Variants in CXADR observed in about 807,000 individuals in gnomAD.
CXADR encodes CXADR cell adhesion molecule, also known as coxsackievirus and adenovirus receptor.
CXADR carries 20 observed loss-of-function variants against 40.3 expected under a neutral mutation model. The observed-to-expected ratio is 0.50, with a 90% CI of 0.35 to 0.72. CXADR has a LOEUF of 0.72. Among genes scored for constraint, CXADR ranks in the 30% least tolerant of loss-of-function variants. The pLI is 0.01. For missense variants in CXADR, 332 were observed against 449.1 expected (o/e 0.74, Z 2.36); for synonymous variants, 150 against 161.3 (o/e 0.93, Z 0.53).
At chr21:17,606,810 CAA>C in the CXADR span, among the ~76,000 whole-genome samples, 3 of 152,100 alleles carry the variant, frequency 2.0e-5, no homozygotes, top group African/African-American at 7.2e-5. Flanking sequence ...TTTGCAATTA[CAA>C]AGTGTAAGAG....
chr21:17,591,863 A>G (rs942521117), intron 7 of CXADR, among the ~76,000 whole-genome samples: 1 of 151,954 alleles, frequency 6.6e-6, no homozygotes, highest in African/African-American at 2.4e-5. Context: ...AGGGTTTGGC[A>G]AACTTTTGTA....
chr21:17,586,359 A>G (rs2061395964), intron 7 of CXADR, among the ~76,000 whole-genome samples: 1 of 147,656 alleles, frequency 6.8e-6, no homozygotes, highest in African/African-American at 2.5e-5. Flanking sequence ...GCTAAAGTTT[A>G]TATGTATATA....
chr21:17,586,305 T>C (rs1462354191), intron 7 of CXADR, among the ~76,000 whole-genome samples: 1 of 150,832 alleles, frequency 6.6e-6, no homozygotes, highest in African/African-American at 2.4e-5. Context: ...AAATTTAAAA[T>C]TTTTTCCCCA....
At chr21:17,636,186 G>A in the CXADR span, among the ~76,000 whole-genome samples, 845 of 152,208 alleles carry the variant, frequency 5.6e-3, 8 homozygotes, top group African/African-American at 0.019. Flanking sequence ...CAGCTTATTT[G>A]CAGATTCTTT....
rs1315380543 is a variant in CXADR, at chr21:17,521,736, G to C, written c.43+8564G>C. Among the ~76,000 whole-genome samples the C allele has an allele frequency of 2.0e-5, 3 of 152,216 alleles. No homozygotes were observed. The South Asian group carries it at 6.2e-4, about 32-fold the overall frequency. On this transcript the variant is annotated intron_variant, in intron 1 of 6. Coordinates refer to ENST00000284878, the MANE Select transcript of CXADR (RefSeq NM_001338.5). Reference sequence around the variant, plus strand: ...CTTTGCATGTGTGGCCTTAATTCCAGAGGACAGTAGCATATCCCAGGGGAG... The same window carrying C: ...CTTTGCATGTGTGGCCTTAATTCCACAGGACAGTAGCATATCCCAGGGGAG...
chr21:17,580,023 A>G (rs967413316), intron 7 of CXADR, among the ~76,000 whole-genome samples: 1 of 152,110 alleles, frequency 6.6e-6, no homozygotes, highest in African/African-American at 2.4e-5. Flanking sequence ...GGATCTTGCT[A>G]TGTTATCTAA....
the CXADR span, among the ~76,000 whole-genome samples, chr21:17,634,789 G>A: frequency 1.9e-4 from 29 of 152,108 alleles, 1 homozygote; most frequent in East Asian, 4.6e-3. Context: ...ATATTGCCCA[G>A]GCTATAGTGC....
chr21:17,547,255 C>A lies in CXADR; in HGVS notation c.210+62C>A, dbSNP rs1389759018. On this transcript the variant is annotated intron_variant, in intron 2 of 6. Coordinates refer to ENST00000284878, the MANE Select transcript of CXADR (RefSeq NM_001338.5). The stretch of plus-strand genomic sequence containing the variant: ...CTGTGCAACTATCTGATGTGTCCAT[C>A]ACCTTGCCAGTCACATGGATGGGCT... 1.1e-5 allele frequency: 18 copies of A among 1,599,486 alleles called. No homozygotes were observed. In the Admixed American group the frequency reaches 1.7e-4, roughly 15 times the overall value.
At chr21:17,540,686 C>T (rs1167131797) in intron 1 of CXADR, among the ~76,000 whole-genome samples, 2 of 152,138 alleles carry the variant, frequency 1.3e-5, no homozygotes, top group Non-Finnish European at 2.9e-5. Flanking sequence ...GAGTAATATC[C>T]TTGTACATAT....
chr21:17,604,968 ACT>A, the CXADR span: 1 of 1,614,120 alleles, frequency 6.2e-7, no homozygotes, highest in South Asian at 1.1e-5. Context: ...ATCAGGATCA[ACT>A]CTCTGAAATT....
intron 1 of CXADR, chr21:17,543,129 A>C (rs537711602): frequency 3.4e-6 from 1 of 297,730 alleles, no homozygotes; most frequent in South Asian, 2.8e-5. Flanking sequence ...AAAATATCAT[A>C]AGCAGCATAC....
In CXADR at chr21:17,569,504, C is replaced by T; in HGVS notation, c.*3812C>T. 1 of 985,214 alleles carries T rather than the reference C, an allele frequency of 1.0e-6. No homozygotes were observed. Among genetic ancestry groups the T allele is most frequent in the Non-Finnish European group, 1.2e-6 (1 of 829,902 alleles). 61.0% of individuals were successfully genotyped at this position (985,214 alleles called of 1,614,324 possible). A position where few individuals can be genotyped will look rare whatever the true frequency, so the allele number is the denominator to read the frequency against. On this transcript the variant is annotated 3_prime_UTR_variant, in exon 7 of 7. Transcript: ENST00000284878. ...TCATGTTCTGCAATAGGATTTCTTA[C>T]TCATTTACCTATTTTAACACTAAAA... is the stretch of plus-strand genomic sequence containing the variant.
At chr21:17,537,808 A>C (rs773674462) in intron 1 of CXADR, among the ~76,000 whole-genome samples, 2 of 152,090 alleles carry the variant, frequency 1.3e-5, no homozygotes, top group Non-Finnish European at 2.9e-5. Context: ...GAGCTTTGCC[A>C]CCAAAGTCAA....
chr21:17,569,544 G>A lies in CXADR; in HGVS notation c.*3852G>A, dbSNP rs929733575. 1 of 985,122 alleles carries A rather than the reference G, an allele frequency of 1.0e-6. No individual in the cohort carries two copies. The highest frequency in any genetic ancestry group is 6.2e-5 in the Admixed American group (1 of 16,250). The allele number at this position is 985,122 out of a possible 1,614,324, so 61.0% of individuals were successfully genotyped here. On this transcript the variant is annotated 3_prime_UTR_variant, in exon 7 of 7. Coordinates refer to ENST00000284878, the MANE Select transcript of CXADR (RefSeq NM_001338.5). Reference sequence around the variant, plus strand: ...TAACACTAAAATAGACCACAACTGAGCACAAATTCCTTTTATAAATGTTAT... The same window carrying A: ...TAACACTAAAATAGACCACAACTGAACACAAATTCCTTTTATAAATGTTAT...
At chr21:17,592,227 A>G (rs898638886) in intron 7 of CXADR, among the ~76,000 whole-genome samples, 1 of 151,900 alleles carries the variant, frequency 6.6e-6, no homozygotes, top group Non-Finnish European at 1.5e-5. Context: ...ACAAACCTAT[A>G]TAGTCATCCC....
At chr21:17,625,379 G>T in the CXADR span, among the ~76,000 whole-genome samples, 1 of 152,080 alleles carries the variant, frequency 6.6e-6, no homozygotes, top group Non-Finnish European at 1.5e-5. Context: ...GAATTCTAAT[G>T]TTGCCAACAC....
At chr21:17,558,580 T>C (rs563102310) in intron 3 of CXADR, among the ~76,000 whole-genome samples, 1 of 152,282 alleles carries the variant, frequency 6.6e-6, no homozygotes, top group South Asian at 2.1e-4. Flanking sequence ...ACTTGGTACA[T>C]ACTGCCAGAG....
chr21:17,582,818 G>A (rs1459671001), intron 7 of CXADR, among the ~76,000 whole-genome samples: 6 of 152,222 alleles, frequency 3.9e-5, no homozygotes, highest in Non-Finnish European at 8.8e-5. Context: ...TCTTGCATTT[G>A]AAAAGATGTG....
chr21:17,606,908 A>G, the CXADR span, among the ~76,000 whole-genome samples: 3,209 of 152,256 alleles, frequency 0.021, 105 homozygotes, highest in African/African-American at 0.071. Flanking sequence ...AAAAGGTATG[A>G]ATATTTTTAT....
Sources: allele counts gnomAD v4.1 joint callset (sites outside exome capture counted in the v4.1 genomes callset), GRCh38; gene constraint gnomAD v4.1.1; transcripts MANE v1.5; gene names NCBI Gene and HGNC (gene_info 2026-07-23, HGNC 2026-07-21).